Variants in NCAPD3 observed in about 807,000 individuals in gnomAD.
NCAPD3 encodes non-SMC condensin II complex subunit D3.
NCAPD3 carries 105 observed loss-of-function variants against 182.9 expected under a neutral mutation model. The observed-to-expected ratio is 0.57, with a 90% CI of 0.49 to 0.68. The LOEUF is 0.68. Ranked by LOEUF, NCAPD3 falls within the 30% of genes least tolerant of loss-of-function variation. The probability of loss-of-function intolerance (pLI) is 0.00; values close to 1 mark genes in which losing one functional copy is unlikely to be tolerated. For synonymous variants in NCAPD3, 815 were observed against 679.9 expected, an observed-to-expected ratio of 1.20 and a Z score of -3.09; for missense variants, 1,944 against 1,837.0, an observed-to-expected ratio of 1.06 and a Z score of -1.07.
At chr11:134,153,639 C>T (rs1028460345) in intron 32 of NCAPD3, 2 of 500,928 alleles carry the variant, frequency 4.0e-6, no homozygotes, top group Non-Finnish European at 7.3e-6. Flanking sequence ...TCCCTCCCGC[C>T]GTCTTCCATC....
Position 134,152,962 on chromosome 11 carries a change from A to T in NCAPD3, c.4479T>A (p.Pro1493=), listed in dbSNP as rs751940266. The part of the protein sequence containing the change: ...ACSRRSLRKT[P]LKTAN ...GCGCTGTTTAGTTGGCTGTTTTCAG[A>T]GGGGTCTTTCGGAGGGACCTCCTGC... Residue 1493 remains proline, a synonymous_variant, in exon 35 of 35, where the codon CCT becomes CCA. Transcript: ENST00000534548. 27 of 1,561,360 alleles carry T rather than the reference A, an allele frequency of 1.7e-5. No homozygotes were observed. Among genetic ancestry groups the T allele is most frequent in the Non-Finnish European group, 2.1e-5 (24 of 1,154,314 alleles).
intron 30 of NCAPD3, 101 bp from the exon 31 acceptor site, chr11:134,158,168 C>T: frequency 6.6e-7 from 1 of 1,524,034 alleles, no homozygotes; most frequent in Non-Finnish European, 8.9e-7. Context: ...CGGCGCATCC[C>T]TCACCACCCT....
At chr11:134,184,842 CA>C in intron 18 of NCAPD3, 60 bp downstream of exon 18, 3 of 1,401,062 alleles carry the variant, frequency 2.1e-6, no homozygotes, top group Non-Finnish European at 3.0e-6. Flanking sequence ...CACACACACA[CA>C]CACACACCTG....
At chr11:134,160,596 G>C (rs563046798) in intron 28 of NCAPD3, among the ~76,000 whole-genome samples, 2 of 152,276 alleles carry the variant, frequency 1.3e-5, no homozygotes, top group East Asian at 1.9e-4. Context: ...TTCTTCTGAA[G>C]ATTTTACAGA....
Position 134,192,625 on chromosome 11 carries a change from AT to A in NCAPD3, c.2045+63del, listed in dbSNP as rs1464983035. The A allele has an allele frequency of 1.6e-5, 23 of 1,423,358 alleles. No individual in the cohort carries two copies. In the Admixed American group the frequency reaches 3.8e-4, roughly 24 times the overall value. The allele number at this position is 1,423,358 out of a possible 1,614,324, so 88.2% of individuals were successfully genotyped here. A position where few individuals can be genotyped will look rare whatever the true frequency, so the allele number is the denominator to read the frequency against. On this transcript the variant is annotated intron_variant, in intron 16 of 34. Coordinates refer to ENST00000534548, the MANE Select transcript of NCAPD3 (RefSeq NM_015261.3). ...GATTTTTCGAGGACCAATAGGAGAA[AT>A]TTATTAATACAAAGTCCTACGGCCT...
chr11:134,193,942 G>T, intron 15 of NCAPD3, 74 bp downstream of exon 15: 1 of 1,450,444 alleles, frequency 6.9e-7, no homozygotes, highest in Non-Finnish European at 9.5e-7. Flanking sequence ...ACGTTTAGCA[G>T]CAGGTAATTA....
intron 24 of NCAPD3, among the ~76,000 whole-genome samples, chr11:134,175,894 T>A (rs1465061260): frequency 6.6e-6 from 1 of 152,200 alleles, no homozygotes; most frequent in Non-Finnish European, 1.5e-5. Context: ...AATTCCTAGT[T>A]TCCTCCTTAA....
intron 1 of NCAPD3, chr11:134,223,149 T>C: frequency 6.5e-6 from 3 of 459,554 alleles, no homozygotes; most frequent in Non-Finnish European, 1.2e-5. Context: ...GGGGAAACAT[T>C]AAAGGTGTAC....
rs766087793 is a variant in NCAPD3, at chr11:134,210,359, T to A, written c.478A>T (p.Lys160Ter). The change falls in exon 4 of 35, where the codon AAA becomes TAA. Residue 160 changes from lysine to a stop codon, truncating the protein, a stop_gained. Transcript: ENST00000534548. LOFTEE classifies it high-confidence loss of function. ...SWPQESNLNR[K>*]RKKEQPKSSQ... Reference sequence around the variant, plus strand: ...CTCTTAGGCTGTTCTTTCTTTCTTTTCCGATTCAAGTTAGATTCCTGGGGC... The same window carrying A: ...CTCTTAGGCTGTTCTTTCTTTCTTTACCGATTCAAGTTAGATTCCTGGGGC... 1 of 1,614,208 alleles carries A rather than the reference T, an allele frequency of 6.2e-7. No individual in the cohort carries two copies. The highest frequency in any genetic ancestry group is 8.5e-7 in the Non-Finnish European group (1 of 1,180,030).
At chr11:134,216,119 C>T (rs764844668) in intron 3 of NCAPD3, among the ~76,000 whole-genome samples, 10 of 152,168 alleles carry the variant, frequency 6.6e-5, no homozygotes, top group Non-Finnish European at 1.5e-4. Context: ...CGAGACACTG[C>T]TTAGCAACAA....
Position 134,169,601 on chromosome 11 carries a change from G to A in NCAPD3, c.3102-547C>T, listed in dbSNP as rs150835926. ...CTCTGCAAAGCAACTGACTCAATGC[G>A]CTTTGGAATCACCAGCAAGCCCTGG... On this transcript the variant is annotated intron_variant, in intron 24 of 34. Transcript: ENST00000534548. 2.4e-4 allele frequency among the ~76,000 whole-genome samples: 36 copies of A among 152,298 alleles called. 1 individual carries two copies. The East Asian group carries it at 4.0e-3, about 17-fold the overall frequency.
At chr11:134,173,446 C>G (rs940204449) in intron 24 of NCAPD3, 1 of 153,740 alleles carries the variant, frequency 6.5e-6, no homozygotes, top group Admixed American at 6.5e-5. Flanking sequence ...CTACCTGCCC[C>G]TGGCCCACCC....
At chr11:134,167,293 T>C (rs79849821) in intron 27 of NCAPD3, among the ~76,000 whole-genome samples, 6 of 120,204 alleles carry the variant, frequency 5.0e-5, no homozygotes, top group Non-Finnish European at 1.0e-4. Flanking sequence ...TGAGATGAGC[T>C]TGGGGGAGCA....
At chr11:134,153,598 C>A in intron 32 of NCAPD3, 1 of 567,940 alleles carries the variant, frequency 1.8e-6, no homozygotes, top group East Asian at 3.0e-5. Flanking sequence ...ACTCGGCTGG[C>A]CCCTGGGCCT....
At position 134,204,393 on chromosome 11, in the gene NCAPD3, A is replaced by C. The variant is rs533009000; in HGVS notation, c.1090-222T>G. Among the ~76,000 whole-genome samples, 1 of 152,362 alleles carries C rather than the reference A, an allele frequency of 6.6e-6. No homozygotes were observed. The highest frequency in any genetic ancestry group is 1.9e-4 in the East Asian group (1 of 5,196). ...AAAAATGCACATACAAATTTAGTAT[A>C]CAATTTCAGAGAGTTTTTAGATCCC... On this transcript the variant is annotated intron_variant, in intron 9 of 34. Transcript: ENST00000534548. This position sits in a 1 kb window ranked among gnomAD's most constrained non-coding sequence, Gnocchi z 4.3.
chr11:134,213,329 T>C, intron 3 of NCAPD3, among the ~76,000 whole-genome samples: 1 of 146,702 alleles, frequency 6.8e-6, no homozygotes, highest in Non-Finnish European at 1.5e-5. Flanking sequence ...GGACCTCTCT[T>C]TTTTTTTTCT....
At chr11:134,194,793 T>G (rs1944592831) in intron 13 of NCAPD3, 55 bp from the exon 14 acceptor site, 1 of 1,254,282 alleles carries the variant, frequency 8.0e-7, no homozygotes, top group African/African-American at 1.5e-5. Context: ...ACACAGCAGC[T>G]AACATTTCAC....
Position 134,208,856 on chromosome 11 carries a change from T to A in NCAPD3, c.882+8A>T, listed in dbSNP as rs1168073009. Reference sequence around the variant, plus strand: ...CTAGTAACCAAATTAGGTTCTCATCTCCTTTACCTTATCTCCTTCTCCATG... The same window carrying A: ...CTAGTAACCAAATTAGGTTCTCATCACCTTTACCTTATCTCCTTCTCCATG... On this transcript the variant is annotated splice_region_variant and intron_variant, in intron 7 of 34. Transcript: ENST00000534548. 6.2e-7 allele frequency: 1 copy of A among 1,601,946 alleles called. No homozygotes were observed. Among genetic ancestry groups the A allele is most frequent in the East Asian group, 2.2e-5 (1 of 44,744 alleles).
intron 25 of NCAPD3, 109 bp downstream of exon 25, chr11:134,168,808 C>T: frequency 6.9e-7 from 1 of 1,447,696 alleles, no homozygotes; most frequent in Non-Finnish European, 9.4e-7. Flanking sequence ...ACAGTAAAGA[C>T]CTGGGGCAGG....
Sources: allele counts gnomAD v4.1 joint callset (sites outside exome capture counted in the v4.1 genomes callset), GRCh38; gene constraint gnomAD v4.1.1; non-coding constraint Gnocchi (gnomAD v3.1); transcripts MANE v1.5; gene names NCBI Gene and HGNC (gene_info 2026-07-23, HGNC 2026-07-21).